Variants in MAJIN observed in about 807,000 individuals in gnomAD.
MAJIN encodes the protein membrane-anchored junction protein.
A neutral mutation model predicts 30.2 loss-of-function variants in MAJIN; 27 were observed. The observed-to-expected ratio is 0.89, with a 90% CI of 0.66 to 1.23. The LOEUF is 1.23. Ranked by LOEUF, MAJIN falls within the 50% of genes most tolerant of loss-of-function variation. MAJIN has a pLI of 0.00. For missense variants in MAJIN, 253 were observed against 260.3 expected, an observed-to-expected ratio of 0.97 and a Z score of 0.19; for synonymous variants, 78 against 91.6, an observed-to-expected ratio of 0.85 and a Z score of 0.85.
chr11:64,945,307 G>A (rs1449100073), intron 8 of MAJIN, among the ~76,000 whole-genome samples: 2 of 151,922 alleles, frequency 1.3e-5, no homozygotes, highest in Non-Finnish European at 1.5e-5. Flanking sequence ...GCAGTGAGCC[G>A]AGATCGCACC....
chr11:64,950,506 C>T, intron 4 of MAJIN, 76 bp from the exon 5 acceptor site: 1 of 1,265,746 alleles, frequency 7.9e-7, no homozygotes, highest in Non-Finnish European at 1.1e-6. Context: ...CACTGCTACT[C>T]ACATACCCTA....
chr11:64,953,422 G>C (rs1007436641), intron 4 of MAJIN, among the ~76,000 whole-genome samples: 3 of 152,154 alleles, frequency 2.0e-5, no homozygotes, highest in African/African-American at 7.2e-5. Flanking sequence ...CCTCCTCTCT[G>C]TTATGCTTCC....
At chr11:64,956,028 C>T (rs1241871730) in intron 3 of MAJIN, among the ~76,000 whole-genome samples, 3 of 152,186 alleles carry the variant, frequency 2.0e-5, no homozygotes, top group East Asian at 1.9e-4. Context: ...AGGCCCGGTG[C>T]GGTGGCTTAC....
Position 64,954,641 on chromosome 11 carries a change from G to A in MAJIN, c.147+116C>T, listed in dbSNP as rs771023589. 2.6e-5 allele frequency: 26 copies of A among 986,440 alleles called. No homozygotes were observed. The African/African-American group carries it at 4.0e-4, about 15-fold the overall frequency. The allele number at this position is 986,440 out of a possible 1,614,324, so 61.1% of individuals were successfully genotyped here. ...CTTTGCAAAGGAGATGTAGCAGGAG[G>A]AAGCCAAGTTATCAAGTGGAGGTTG... On this transcript the variant is annotated intron_variant, in intron 4 of 10. Coordinates refer to ENST00000301896, the MANE Select transcript of MAJIN (RefSeq NM_001037225.3).
At chr11:64,965,542 A>G (rs1349703183) in intron 1 of MAJIN, among the ~76,000 whole-genome samples, 1 of 152,120 alleles carries the variant, frequency 6.6e-6, no homozygotes, top group East Asian at 1.9e-4. Flanking sequence ...CTAATGAAAA[A>G]CGACCTTTGG....
chr11:64,943,411 G>A (rs953180290), intron 8 of MAJIN, among the ~76,000 whole-genome samples: 3 of 152,186 alleles, frequency 2.0e-5, no homozygotes, highest in Admixed American at 6.5e-5. Context: ...CTAAGCTTTC[G>A]CCACACAGGC....
At chr11:64,961,724 C>T (rs1429670295) in intron 1 of MAJIN, among the ~76,000 whole-genome samples, 3 of 151,446 alleles carry the variant, frequency 2.0e-5, no homozygotes, top group East Asian at 1.9e-4. Context: ...GATCCGCCCG[C>T]CTCGGCCTCC....
At chr11:64,958,355 C>T (rs1448006397) in intron 3 of MAJIN, among the ~76,000 whole-genome samples, 1 of 151,958 alleles carries the variant, frequency 6.6e-6, no homozygotes, top group Non-Finnish European at 1.5e-5. Flanking sequence ...GTGGCTCATG[C>T]CTGGAATTCC....
chr11:64,962,252 C>A (rs1945739545), intron 1 of MAJIN, among the ~76,000 whole-genome samples: 2 of 152,186 alleles, frequency 1.3e-5, no homozygotes, highest in South Asian at 4.1e-4. Flanking sequence ...AAAAAACAGC[C>A]CTCTTCTAGC....
rs756956874 is a variant in MAJIN, at chr11:64,947,397, G to A, written c.450C>T (p.Ser150=). 2.5e-6 allele frequency: 4 copies of A among 1,613,590 alleles called. No individual in the cohort carries two copies. Among genetic ancestry groups the A allele is most frequent in the Admixed American group, 1.7e-5 (1 of 60,020 alleles). ...ACCTGTCCAGCCCTGGCCTGCTGGG[G>A]GAGCTGGGCTCGTCCATGTGTTTTC... ...RKRKHMDEPS[S]PSRPGLDRIG... The change falls in exon 8 of 11, where the codon TCC becomes TCT. Residue 150 remains serine, a synonymous_variant. Transcript: ENST00000301896.
At chr11:64,945,641 T>A in intron 8 of MAJIN, among the ~76,000 whole-genome samples, 1 of 151,964 alleles carries the variant, frequency 6.6e-6, no homozygotes, top group East Asian at 1.9e-4. Flanking sequence ...GTTCAAGTGA[T>A]TCTCCTGCCT....
At chr11:64,966,530 C>A (rs1461583598) in intron 1 of MAJIN, among the ~76,000 whole-genome samples, 1 of 151,670 alleles carries the variant, frequency 6.6e-6, no homozygotes. Context: ...GAGTGAGACT[C>A]CATCTCAAAA....
intron 3 of MAJIN, among the ~76,000 whole-genome samples, chr11:64,956,038 C>T (rs989100525): frequency 3.3e-5 from 5 of 152,134 alleles, no homozygotes; most frequent in African/African-American, 4.8e-5. Context: ...CGGTGGCTTA[C>T]GCCTGTAATC....
intron 8 of MAJIN, among the ~76,000 whole-genome samples, chr11:64,944,438 C>A (rs932845504): frequency 2.0e-5 from 3 of 152,180 alleles, no homozygotes; most frequent in Non-Finnish European, 2.9e-5. Context: ...ACATAGTAGA[C>A]ACTCAATGAA....
intron 5 of MAJIN, 80 bp from the exon 6 acceptor site, chr11:64,949,948 C>T: frequency 6.5e-7 from 1 of 1,527,882 alleles, no homozygotes; most frequent in South Asian, 1.2e-5. Flanking sequence ...ACTCTCTCTC[C>T]TTCCCCTGAC....
chr11:64,966,177 A>C (rs1324708263), intron 1 of MAJIN, among the ~76,000 whole-genome samples: 1 of 142,952 alleles, frequency 7.0e-6, no homozygotes, highest in Non-Finnish European at 1.5e-5. Flanking sequence ...CAGCAGCAGC[A>C]GTAGTTTCAG....
intron 1 of MAJIN, among the ~76,000 whole-genome samples, chr11:64,965,619 A>C (rs1184374684): frequency 6.6e-6 from 1 of 152,154 alleles, no homozygotes; most frequent in Non-Finnish European, 1.5e-5. Context: ...CACCCTGTCC[A>C]GTAGTTGTGG....
intron 1 of MAJIN, among the ~76,000 whole-genome samples, chr11:64,966,144 T>TAAAAAAAAA (rs1945804233): frequency 9.6e-5 from 1 of 10,390 alleles, no homozygotes; most frequent in Non-Finnish European, 2.8e-4. Flanking sequence ...AGATTAAAAA[T>TAAAAAAAAA]GAAAAAAAAA....
intron 4 of MAJIN, among the ~76,000 whole-genome samples, chr11:64,952,774 G>A (rs1437395114): frequency 2.6e-5 from 4 of 151,398 alleles, no homozygotes; most frequent in Admixed American, 1.3e-4. Context: ...GTGCGATCTC[G>A]GCTCACTGCA....
Sources: allele counts gnomAD v4.1 joint callset (sites outside exome capture counted in the v4.1 genomes callset), GRCh38; gene constraint gnomAD v4.1.1; transcripts MANE v1.5; gene names NCBI Gene and HGNC (gene_info 2026-07-23, HGNC 2026-07-21).